The following MIR2052HG variants were observed in gnomAD, a reference collection of about 807,000 sequenced individuals.
MIR2052HG encodes MIR2052 host gene.
At chr8:74,605,698 C>G (rs1808100752) in intron 1 of MIR2052HG, among the ~76,000 whole-genome samples, 1 of 151,874 alleles carries the variant, frequency 6.6e-6, no homozygotes, top group Non-Finnish European at 1.5e-5. Context: ...AGAGTTCCAA[C>G]AAAGAAAAGA....
chr8:74,714,514 A>G (rs948449526), intron 4 of MIR2052HG, among the ~76,000 whole-genome samples: 1 of 152,146 alleles, frequency 6.6e-6, no homozygotes. Context: ...CTGAGAGAAC[A>G]CTTCCAGAGG....
At chr8:74,722,868 T>C (rs1267553957) in intron 4 of MIR2052HG, among the ~76,000 whole-genome samples, 1 of 152,226 alleles carries the variant, frequency 6.6e-6, no homozygotes, top group Non-Finnish European at 1.5e-5. Context: ...ACACGGCTAG[T>C]ATGTAGCAAA....
At chr8:74,748,722 A>T (rs747877825) in intron 4 of MIR2052HG, among the ~76,000 whole-genome samples, 1 of 152,110 alleles carries the variant, frequency 6.6e-6, no homozygotes, top group South Asian at 2.1e-4. Context: ...TCCTGTCTCT[A>T]TTGTTTGGCT....
intron 2 of MIR2052HG, among the ~76,000 whole-genome samples, chr8:74,680,834 C>G (rs1257083677): frequency 1.3e-5 from 2 of 151,070 alleles, no homozygotes; most frequent in Non-Finnish European, 3.0e-5. Flanking sequence ...CAATGATAGA[C>G]TGGATTAAGA....
chr8:74,673,910 T>TATATATATATATATATATAC (rs1485340799), intron 2 of MIR2052HG, among the ~76,000 whole-genome samples: 34 of 133,230 alleles, frequency 2.6e-4, no homozygotes, highest in African/African-American at 1.1e-3. Context: ...TATATATATA[T>TATATATATATATATATATAC]ACACACACAA....
intron 2 of MIR2052HG, among the ~76,000 whole-genome samples, chr8:74,692,420 G>C (rs932245517): frequency 6.6e-6 from 1 of 152,180 alleles, no homozygotes; most frequent in African/African-American, 2.4e-5. Context: ...CTAAAACTGG[G>C]TTAATAGTAG....
At chr8:74,703,315 T>C (rs1290618643) in intron 3 of MIR2052HG, among the ~76,000 whole-genome samples, 1 of 152,032 alleles carries the variant, frequency 6.6e-6, no homozygotes, top group African/African-American at 2.4e-5. Flanking sequence ...GAAGGATGCA[T>C]CAGTACCATA....
At chr8:74,600,683 A>C (rs200781860) in intron 1 of MIR2052HG, among the ~76,000 whole-genome samples, 1 of 151,494 alleles carries the variant, frequency 6.6e-6, no homozygotes, top group Non-Finnish European at 1.5e-5. Context: ...TCAAGTGATT[A>C]TCCTGCCTCA....
At position 74,606,245 on chromosome 8, in the gene MIR2052HG, C is replaced by T. The variant is rs1315105919; in HGVS notation, n.128+6337C>T. On this transcript the variant is annotated intron_variant and non_coding_transcript_variant, in intron 1 of 6. Coordinates refer to ENST00000523442, the Ensembl canonical transcript of MIR2052HG. ...CAGTATCTTATCGGTTAATTGCATT[C>T]TTGGATGTGCTGGGAGTCAGCTTGC... 2.0e-5 allele frequency among the ~76,000 whole-genome samples: 3 copies of T among 152,060 alleles called. No individual in the cohort carries two copies. In the East Asian group the frequency reaches 5.8e-4, roughly 29 times the overall value.
intron 4 of MIR2052HG, among the ~76,000 whole-genome samples, chr8:74,713,639 T>C (rs1171199641): frequency 6.6e-6 from 1 of 152,170 alleles, no homozygotes; most frequent in Non-Finnish European, 1.5e-5. Context: ...AGGATGCTAA[T>C]ATATGATTTA....
intron 6 of MIR2052HG, chr8:74,758,170 A>G (rs1226531837): frequency 6.6e-6 from 1 of 152,122 alleles, no homozygotes. Context: ...TTTTTAATGG[A>G]ATTCTGTCTC....
intron 2 of MIR2052HG, among the ~76,000 whole-genome samples, chr8:74,629,590 T>C (rs900646534): frequency 4.6e-5 from 7 of 152,102 alleles, no homozygotes; most frequent in Admixed American, 2.6e-4. Context: ...GTACTTAACT[T>C]TCAGAGAGCT....
At chr8:74,696,991 A>G (rs1809304486) in intron 2 of MIR2052HG, among the ~76,000 whole-genome samples, 1 of 152,104 alleles carries the variant, frequency 6.6e-6, no homozygotes, top group South Asian at 2.1e-4. Context: ...AATCATTATC[A>G]CCGTAACACC....
chr8:74,721,962 G>T (rs1342097299), intron 4 of MIR2052HG, among the ~76,000 whole-genome samples: 2 of 152,182 alleles, frequency 1.3e-5, no homozygotes, highest in African/African-American at 4.8e-5. Flanking sequence ...GGAGGATGAG[G>T]CAGGAGGACT....
intron 2 of MIR2052HG, among the ~76,000 whole-genome samples, chr8:74,663,082 G>A (rs1808884121): frequency 6.6e-6 from 1 of 152,036 alleles, no homozygotes; most frequent in South Asian, 2.1e-4. Flanking sequence ...GATAATCTAT[G>A]TTTGTTGACC....
chr8:74,621,923 G>A (rs1298960678), intron 2 of MIR2052HG, among the ~76,000 whole-genome samples: 2 of 152,164 alleles, frequency 1.3e-5, no homozygotes, highest in Non-Finnish European at 2.9e-5. Context: ...AGACTCAAAT[G>A]TAAGGCCTGT....
chr8:74,708,396 C>T (rs1809432141), intron 4 of MIR2052HG, among the ~76,000 whole-genome samples: 1 of 152,234 alleles, frequency 6.6e-6, no homozygotes, highest in South Asian at 2.1e-4. Flanking sequence ...AACCAGCATG[C>T]TTGGGCAACT....
rs529726386 is a variant in MIR2052HG at position 74,724,112 on chromosome 8, G to A, written n.371+20430G>A. On this transcript the variant is annotated intron_variant and non_coding_transcript_variant, in intron 4 of 6. Transcript: ENST00000523442. The stretch of plus-strand genomic sequence containing the variant: ...TAAATCTGTTCATGTTTAATCAAAA[G>A]GATGGCCTCGTTTCATTTCAAAAGT... Among the ~76,000 whole-genome samples the A allele has an allele frequency of 6.6e-5, 10 of 152,152 alleles. No homozygotes were observed. The South Asian group carries it at 1.2e-3, about 19-fold the overall frequency.
At chr8:74,611,082 T>C (rs1808187902) in intron 1 of MIR2052HG, among the ~76,000 whole-genome samples, 1 of 152,032 alleles carries the variant, frequency 6.6e-6, no homozygotes, top group Admixed American at 6.5e-5. Context: ...AAATCATATA[T>C]CTGATAAAGG....
Sources: allele counts gnomAD v4.1 joint callset (sites outside exome capture counted in the v4.1 genomes callset), GRCh38; gene constraint gnomAD v4.1.1; transcripts MANE v1.5; gene names NCBI Gene and HGNC (gene_info 2026-07-23, HGNC 2026-07-21).